The following KIAA1328 variants were observed in gnomAD, a reference collection of about 807,000 sequenced individuals.
KIAA1328 encodes KIAA1328.
A neutral mutation model predicts 68.1 loss-of-function variants in KIAA1328; 52 were observed. The ratio of observed to expected loss-of-function variants is 0.76; its 90% CI spans 0.61 to 0.96. KIAA1328 has a LOEUF of 0.96. KIAA1328 is among the 40% of genes least tolerant of loss of function. The pLI, the probability that KIAA1328 is intolerant of heterozygous loss-of-function variation, is 0.00. For missense variants in KIAA1328, 641 were observed against 677.6 expected, an observed-to-expected ratio of 0.95 and a Z score of 0.60; for synonymous variants, 232 against 239.4, an observed-to-expected ratio of 0.97 and a Z score of 0.28.
chr18:36,856,202 A>G (rs1156521223), intron 4 of KIAA1328, among the ~76,000 whole-genome samples: 1 of 151,752 alleles, frequency 6.6e-6, no homozygotes, highest in Non-Finnish European at 1.5e-5. Flanking sequence ...ACATTTTTGG[A>G]TGTATAGTCA....
chr18:36,849,939 G>T (rs1476842016), intron 4 of KIAA1328, among the ~76,000 whole-genome samples: 1 of 151,972 alleles, frequency 6.6e-6, no homozygotes, highest in Non-Finnish European at 1.5e-5. Flanking sequence ...TTTCCCCGGT[G>T]GCTAATGATA....
chr18:36,932,684 A>T (rs1568180226), intron 5 of KIAA1328, among the ~76,000 whole-genome samples: 1 of 152,230 alleles, frequency 6.6e-6, no homozygotes, highest in African/African-American at 2.4e-5. Context: ...GTTCAGTCAT[A>T]TAAGAAGTCT....
At chr18:37,040,591 C>T (rs1340973854) in intron 6 of KIAA1328, among the ~76,000 whole-genome samples, 1 of 151,386 alleles carries the variant, frequency 6.6e-6, no homozygotes, top group Non-Finnish European at 1.5e-5. Context: ...ATTTTCTCTC[C>T]TGCTTGCTTT....
chr18:36,885,385 G>C (rs2048462218), intron 4 of KIAA1328, among the ~76,000 whole-genome samples, 172 bp from the exon 5 acceptor site: 1 of 152,136 alleles, frequency 6.6e-6, no homozygotes, highest in Non-Finnish European at 1.5e-5. Context: ...AGGTGAAAAA[G>C]ATTGCCTTAT....
At chr18:36,949,475 A>T (rs67366947) in intron 5 of KIAA1328, among the ~76,000 whole-genome samples, 3 of 151,872 alleles carry the variant, frequency 2.0e-5, no homozygotes, top group African/African-American at 7.3e-5. Flanking sequence ...TTACCTTTAA[A>T]GTTGGAGAAA....
rs76528074 is a variant in KIAA1328, at chr18:36,941,080, C to T, written c.449-18228C>T. On this transcript the variant is annotated intron_variant, in intron 5 of 9. Coordinates refer to ENST00000280020, the MANE Select transcript of KIAA1328 (RefSeq NM_020776.3). ...TTTTTGAGTCAGTTGGACGTTTACTCACCTCAGGCTTCTGGAAAGATCTTG... is the reference window on the plus strand; with the variant it reads ...TTTTTGAGTCAGTTGGACGTTTACTTACCTCAGGCTTCTGGAAAGATCTTG... Among the ~76,000 whole-genome samples, 495 of 152,260 alleles carry T rather than the reference C, an allele frequency of 3.3e-3. 16 individuals carry two copies. The East Asian group carries it at 0.08, about 24-fold the overall frequency.
chr18:36,920,573 T>G (rs1046767957), intron 5 of KIAA1328, among the ~76,000 whole-genome samples: 9 of 152,206 alleles, frequency 5.9e-5, no homozygotes, highest in Non-Finnish European at 1.2e-4. Flanking sequence ...GGTCTTGCAT[T>G]AAAGCTTTAT....
Position 36,839,600 on chromosome 18 carries a change from T to G in KIAA1328, c.237+4224T>G, listed in dbSNP as rs571293155. Among the ~76,000 whole-genome samples the G allele has an allele frequency of 4.9e-4, 75 of 152,332 alleles. No individual in the cohort carries two copies. The South Asian group carries it at 0.013, about 26-fold the overall frequency. On this transcript the variant is annotated intron_variant, in intron 3 of 9. Coordinates refer to ENST00000280020, the MANE Select transcript of KIAA1328 (RefSeq NM_020776.3). ...TATAGGCTGTATTTTTCTGCTTCTT[T>G]GCCTGCTTGGTTGTCTTTTATTGGA...
In KIAA1328 at chr18:37,160,366, T is replaced by G; in HGVS notation, c.1399T>G (p.Cys467Gly). Residue 467 changes from cysteine to glycine, a missense_variant, in exon 8 of 10, where the codon TGT becomes GGT. Physicochemically the swap from Cys to Gly is radical, Grantham distance 159 (BLOSUM62 -3). Transcript: ENST00000280020. ...AQWSCQKKDT[C>G]RPQRGTVTGV... is the part of the protein sequence containing the mutation. ...GTGGTCATGTCAAAAGAAAGATACA[T>G]GTAGACCCCAAAGAGGTAAGTTTAA... 1 of 1,613,082 alleles carries G rather than the reference T, an allele frequency of 6.2e-7. No homozygotes were observed. The highest frequency in any genetic ancestry group is 8.5e-7 in the Non-Finnish European group (1 of 1,179,386).
intron 7 of KIAA1328, among the ~76,000 whole-genome samples, chr18:37,143,842 T>C (rs1055015044): frequency 2.6e-5 from 4 of 152,140 alleles, no homozygotes; most frequent in African/African-American, 9.7e-5. Flanking sequence ...TATTTTTGAA[T>C]GTTAAGCCAA....
intron 3 of KIAA1328, among the ~76,000 whole-genome samples, chr18:36,837,381 T>G (rs2046713283): frequency 6.6e-6 from 1 of 152,198 alleles, no homozygotes; most frequent in South Asian, 2.1e-4. Context: ...TTCTTGGCTA[T>G]TTGTGTATCT....
chr18:36,898,836 A>T (rs1478132026), intron 5 of KIAA1328, among the ~76,000 whole-genome samples: 2 of 151,944 alleles, frequency 1.3e-5, no homozygotes, highest in African/African-American at 4.8e-5. Context: ...TAAGTTTTGT[A>T]TGTTGATTTT....
chr18:37,224,019 C>T lies in KIAA1328; in HGVS notation c.*1792C>T. The T allele has an allele frequency of 8.1e-6, 8 of 985,342 alleles. No individual in the cohort carries two copies. Among genetic ancestry groups the T allele is most frequent in the Non-Finnish European group, 9.6e-6 (8 of 829,916 alleles). The allele number at this position is 985,342 out of a possible 1,614,324, so 61.0% of individuals were successfully genotyped here. A position where few individuals can be genotyped will look rare whatever the true frequency, so the allele number is the denominator to read the frequency against. On this transcript the variant is annotated 3_prime_UTR_variant, in exon 10 of 10. Coordinates refer to ENST00000280020, the MANE Select transcript of KIAA1328 (RefSeq NM_020776.3). Reference sequence around the variant, plus strand: ...ATCGGTTTCATCCCATATCAAAAAGCCTTTGGAGTGTGGAGCTTTCTGTGG... The same window carrying T: ...ATCGGTTTCATCCCATATCAAAAAGTCTTTGGAGTGTGGAGCTTTCTGTGG...
At chr18:37,008,586 C>G (rs1046529974) in intron 6 of KIAA1328, among the ~76,000 whole-genome samples, 1 of 152,104 alleles carries the variant, frequency 6.6e-6, no homozygotes, top group Non-Finnish European at 1.5e-5. Flanking sequence ...CCAGGGTCAA[C>G]CAGATTTTAG....
intron 5 of KIAA1328, among the ~76,000 whole-genome samples, chr18:36,917,281 A>C (rs1180758854): frequency 1.3e-5 from 2 of 152,088 alleles, no homozygotes; most frequent in African/African-American, 2.4e-5. Flanking sequence ...CTTGTTTGTT[A>C]AGAGGCAGGG....
At chr18:36,939,794 T>G (rs1215374132) in intron 5 of KIAA1328, among the ~76,000 whole-genome samples, 1 of 152,192 alleles carries the variant, frequency 6.6e-6, no homozygotes, top group Non-Finnish European at 1.5e-5. Context: ...GAGTTTTTAC[T>G]ATGAAAGGAT....
At chr18:36,895,695 T>C (rs888110344) in intron 5 of KIAA1328, 5 of 454,542 alleles carry the variant, frequency 1.1e-5, no homozygotes, top group Non-Finnish European at 2.2e-5. Context: ...ATGGACTGAA[T>C]TGTGTCCCTT....
intron 7 of KIAA1328, among the ~76,000 whole-genome samples, chr18:37,126,035 A>G (rs552248312): frequency 6.6e-6 from 1 of 152,366 alleles, no homozygotes; most frequent in Admixed American, 6.5e-5. Context: ...GTCAGAAATG[A>G]TAGTGATGTT....
intron 5 of KIAA1328, among the ~76,000 whole-genome samples, chr18:36,931,940 T>A (rs749894773): frequency 2.6e-5 from 4 of 151,756 alleles, no homozygotes; most frequent in African/African-American, 4.9e-5. Flanking sequence ...TTGCATAGTA[T>A]ATTTCACAGA....
Sources: allele counts gnomAD v4.1 joint callset (sites outside exome capture counted in the v4.1 genomes callset), GRCh38; gene constraint gnomAD v4.1.1; transcripts MANE v1.5; gene names NCBI Gene and HGNC (gene_info 2026-07-23, HGNC 2026-07-21).